Variants in SEC14L2 observed in about 807,000 individuals in gnomAD.
SEC14L2 encodes SEC14 like lipid binding 2.
A neutral mutation model predicts 56.9 loss-of-function variants in SEC14L2; 50 were observed. That is an observed-to-expected ratio of 0.88 (90% CI 0.70 to 1.11). SEC14L2 has a LOEUF of 1.11. Among genes scored for constraint, SEC14L2 ranks in the 50% most tolerant of loss-of-function variants. The pLI is 0.00. For synonymous variants in SEC14L2, 179 were observed against 188.5 expected (o/e 0.95, Z 0.41); for missense variants, 414 against 500.7 (o/e 0.83, Z 1.65).
intron 7 of SEC14L2, among the ~76,000 whole-genome samples, chr22:30,410,253 ACT>A (rs1275257753): frequency 1.3e-5 from 2 of 152,136 alleles, no homozygotes; most frequent in Non-Finnish European, 2.9e-5. Context: ...ACAGAGCAAG[ACT>A]CTGTCTCAAA....
Position 30,422,558 on chromosome 22 carries a change from A to T in SEC14L2, c.*151A>T. On this transcript the variant is annotated 3_prime_UTR_variant, in exon 12 of 12. Coordinates refer to ENST00000615189, the MANE Select transcript of SEC14L2 (RefSeq NM_012429.5). ...TTTCATTTCAGTTAGGCAGAGGAAG[A>T]GCGACTGCAGTGGGTCTCCGTGTCT... 1.1e-6 allele frequency: 1 copy of T among 910,300 alleles called. No individual in the cohort carries two copies. Among genetic ancestry groups the T allele is most frequent in the Non-Finnish European group, 1.6e-6 (1 of 616,172 alleles). The allele number at this position is 910,300 out of a possible 1,614,324, so 56.4% of individuals were successfully genotyped here.
chr22:30,404,037 A>AAG (rs1934024231), intron 2 of SEC14L2, among the ~76,000 whole-genome samples: 1 of 150,392 alleles, frequency 6.6e-6, no homozygotes, highest in Non-Finnish European at 1.5e-5. Context: ...AAAGAAAAAA[A>AAG]AAAAAAGAAG....
intron 5 of SEC14L2, 110 bp downstream of exon 5, chr22:30,407,713 CTT>C (rs370128450): frequency 0.02 from 11,956 of 593,762 alleles, no homozygotes; most frequent in Non-Finnish European, 0.022. Context: ...AAGGCCCAGC[CTT>C]TTTTTTTTTT....
chr22:30,399,844 G>A, intron 2 of SEC14L2, 126 bp downstream of exon 2: 1 of 708,458 alleles, frequency 1.4e-6, no homozygotes. Context: ...GCGCCAAAGG[G>A]CCCTTGGCAA....
chr22:30,413,481 A>C (rs1223698881), intron 8 of SEC14L2, among the ~76,000 whole-genome samples: 1 of 152,146 alleles, frequency 6.6e-6, no homozygotes, highest in Non-Finnish European at 1.5e-5. Context: ...GCTACTCGGG[A>C]GGCTGAGGCA....
In SEC14L2 at chr22:30,399,737, C is replaced by T. The variant is rs750765383; in HGVS notation, c.130+19C>T. The T allele has an allele frequency of 6.2e-6, 10 of 1,608,366 alleles. No individual in the cohort carries two copies. The highest frequency in any genetic ancestry group is 3.4e-5 in the Admixed American group (2 of 59,606). ...CTCCGAGGTGAGGGAAGAGGGGCTG[C>T]GGGAGGCTGGGGCAGGGGCTTGTTC... is the stretch of plus-strand genomic sequence containing the variant. On this transcript the variant is annotated intron_variant, in intron 2 of 11. Coordinates refer to ENST00000615189, the MANE Select transcript of SEC14L2 (RefSeq NM_012429.5).
Position 30,409,239 on chromosome 22 carries a change from G to A in SEC14L2, c.476G>A (p.Gly159Asp), listed in dbSNP as rs751510298. The A allele has an allele frequency of 1.2e-6, 2 of 1,613,910 alleles. No individual in the cohort carries two copies. Among genetic ancestry groups the A allele is most frequent in the Non-Finnish European group, 1.7e-6 (2 of 1,179,998 alleles). Residue 159 changes from glycine to aspartate, a missense_variant, in exon 6 of 12, where the codon GGC (glycine) becomes GAC (aspartate). Gly to Asp is a moderately conservative substitution (Grantham distance 94). Transcript: ENST00000615189. ...ITIIYDCEGL[G>D]LKHLWKPAVE... ...ATAATTTATGACTGCGAGGGGCTTG[G>A]CCTCAAGCATCTCTGGAAGCCTGCT...
At chr22:30,401,081 ATTATT>A (rs1389694573) in intron 2 of SEC14L2, among the ~76,000 whole-genome samples, 1 of 150,902 alleles carries the variant, frequency 6.6e-6, no homozygotes, top group Non-Finnish European at 1.5e-5. Context: ...ATTATGCCCT[ATTATT>A]TTAATTTTAA....
chr22:30,399,069 G>A (rs1053775834), intron 1 of SEC14L2, among the ~76,000 whole-genome samples: 3 of 152,136 alleles, frequency 2.0e-5, no homozygotes, highest in Non-Finnish European at 4.4e-5. Context: ...CTGCCTGCCC[G>A]CAGACTGGTG....
chr22:30,417,083 A>G (rs1934408147), intron 11 of SEC14L2: 1 of 159,828 alleles, frequency 6.3e-6, no homozygotes, highest in Non-Finnish European at 1.4e-5. Context: ...TATGACCATG[A>G]TAAGGTCTGT....
chr22:30,406,533 G>A (rs1488047424), intron 3 of SEC14L2, 148 bp downstream of exon 3: 3 of 728,968 alleles, frequency 4.1e-6, no homozygotes, highest in Non-Finnish European at 7.1e-6. Context: ...GGGACAAATT[G>A]CATTCCCTTC....
chr22:30,406,510 G>A (rs1934097682), intron 3 of SEC14L2, 125 bp downstream of exon 3: 4 of 894,308 alleles, frequency 4.5e-6, no homozygotes, highest in Non-Finnish European at 7.1e-6. Context: ...GACCACTGTT[G>A]CCTTATCCCT....
intron 2 of SEC14L2, among the ~76,000 whole-genome samples, chr22:30,401,186 G>T (rs1474202889): frequency 6.8e-6 from 1 of 146,326 alleles, no homozygotes; most frequent in Admixed American, 6.9e-5. Context: ...GGTCTCAAGT[G>T]ATTTATTTAT....
intron 11 of SEC14L2, among the ~76,000 whole-genome samples, chr22:30,420,293 C>A (rs368323007): frequency 1.2e-4 from 19 of 152,168 alleles, no homozygotes; most frequent in African/African-American, 3.4e-4. Context: ...GGGTCAGTTA[C>A]CCAACTAAAG....
chr22:30,418,144 C>T (rs1601787442), intron 11 of SEC14L2, among the ~76,000 whole-genome samples: 1 of 152,154 alleles, frequency 6.6e-6, no homozygotes, highest in African/African-American at 2.4e-5. Context: ...TCTCGAACTC[C>T]TGGGTTCAAG....
chr22:30,404,023 A>G (rs1389610385), intron 2 of SEC14L2, among the ~76,000 whole-genome samples: 16 of 135,318 alleles, frequency 1.2e-4, no homozygotes, highest in South Asian at 5.0e-4. Context: ...AAAAAAAAAA[A>G]AAAAAAGAAA....
At chr22:30,397,955 C>G (rs1933805399) in intron 1 of SEC14L2, 1 of 463,004 alleles carries the variant, frequency 2.2e-6, no homozygotes, top group Admixed American at 2.4e-5. Context: ...AACTAAATCT[C>G]TTATCTGTCA....
chr22:30,417,756 G>A (rs891979769), intron 11 of SEC14L2, among the ~76,000 whole-genome samples: 11 of 152,042 alleles, frequency 7.2e-5, no homozygotes, highest in East Asian at 1.9e-4. Flanking sequence ...CCATTTCTAC[G>A]GTAGTACCAG....
intron 1 of SEC14L2, among the ~76,000 whole-genome samples, chr22:30,399,332 C>T (rs1338747934): frequency 2.0e-5 from 3 of 151,824 alleles, no homozygotes; most frequent in East Asian, 3.9e-4. Flanking sequence ...CTGGCTAACA[C>T]GGTGAAACCC....
Sources: allele counts gnomAD v4.1 joint callset (sites outside exome capture counted in the v4.1 genomes callset), GRCh38; gene constraint gnomAD v4.1.1; transcripts MANE v1.5; gene names NCBI Gene and HGNC (gene_info 2026-07-23, HGNC 2026-07-21).